The following VAV2 variants were observed in gnomAD, a reference collection of about 807,000 sequenced individuals.
VAV2 encodes guanine nucleotide exchange factor VAV2.
A neutral mutation model predicts 132.5 loss-of-function variants in VAV2; 67 were observed. That is an observed-to-expected ratio of 0.51 (90% CI 0.42 to 0.62). The LOEUF (loss-of-function observed/expected upper bound fraction) is 0.62. VAV2 is among the 20% of genes least tolerant of loss of function. VAV2 has a pLI of 0.00. For missense variants in VAV2, 938 were observed against 1,153.6 expected, an observed-to-expected ratio of 0.81 and a Z score of 2.71; for synonymous variants, 492 against 443.5, an observed-to-expected ratio of 1.11 and a Z score of -1.37.
At chr9:133,778,042 C>T (rs1460506673) in intron 22 of VAV2, among the ~76,000 whole-genome samples, 1 of 152,158 alleles carries the variant, frequency 6.6e-6, no homozygotes, top group African/African-American at 2.4e-5. Context: ...GGGCCGAGGA[C>T]TGGGGGTCTG....
chr9:133,861,985 C>T (rs1030524101), intron 2 of VAV2, among the ~76,000 whole-genome samples: 3 of 152,256 alleles, frequency 2.0e-5, no homozygotes, highest in Admixed American at 6.5e-5. Flanking sequence ...GACATTTAAA[C>T]AGATGCCTGG....
rs757580734 is a variant in VAV2, at chr9:133,964,050, C to CATATATATATATATATATATAT, written c.205-24832_205-24831insATATATATATATATATATATAT. 4.7e-5 allele frequency among the ~76,000 whole-genome samples: 4 copies of CATATATATATATATATATATAT among 84,878 alleles called. No homozygotes were observed. The East Asian group carries it at 8.4e-4, about 18-fold the overall frequency. The allele number at this position is 84,878 out of a possible 152,430, so 55.7% of individuals were successfully genotyped here. A position where few individuals can be genotyped will look rare whatever the true frequency, so the allele number is the denominator to read the frequency against. ...ATATATATATATATATATATATATA[C>CATATATATATATATATATATAT]ATATATATACATATATATAAATGAA... On this transcript the variant is annotated intron_variant, in intron 1 of 29. Coordinates refer to ENST00000371850, the MANE Select transcript of VAV2 (RefSeq NM_001134398.2).
At chr9:133,829,719 T>C (rs1836191081) in intron 4 of VAV2, among the ~76,000 whole-genome samples, 1 of 152,126 alleles carries the variant, frequency 6.6e-6, no homozygotes, top group Non-Finnish European at 1.5e-5. Flanking sequence ...CCCAGGCTGG[T>C]CTCGAACTTC....
intron 9 of VAV2, among the ~76,000 whole-genome samples, chr9:133,803,973 G>A (rs1835039186): frequency 6.6e-6 from 1 of 152,070 alleles, no homozygotes; most frequent in South Asian, 2.1e-4. Context: ...CCTCCGCTGT[G>A]CAGCCCTCAC....
intron 2 of VAV2, among the ~76,000 whole-genome samples, chr9:133,911,540 C>G (rs58804934): frequency 0.051 from 7,771 of 152,268 alleles, 601 homozygotes; most frequent in African/African-American, 0.17. Flanking sequence ...TCAACACAGT[C>G]AAGACGGTGA....
intron 8 of VAV2, among the ~76,000 whole-genome samples, 195 bp downstream of exon 8, chr9:133,807,063 G>C (rs1228742877): frequency 6.6e-6 from 1 of 152,252 alleles, no homozygotes; most frequent in Admixed American, 6.5e-5. Flanking sequence ...GCGGAGCCCA[G>C]AAACCTGCTA....
intron 1 of VAV2, among the ~76,000 whole-genome samples, chr9:133,987,141 G>C (rs1486704829): frequency 6.6e-6 from 1 of 152,210 alleles, no homozygotes; most frequent in Non-Finnish European, 1.5e-5. Flanking sequence ...AGACCTGGAA[G>C]GGGGGCAGCC....
chr9:133,941,103 A>G (rs2810534), intron 1 of VAV2, among the ~76,000 whole-genome samples: 110,428 of 151,868 alleles, frequency 0.73, 40,317 homozygotes, highest in East Asian at 0.81. Context: ...TGTGCCCACC[A>G]AACACTCAAA....
intron 2 of VAV2, among the ~76,000 whole-genome samples, chr9:133,933,556 TGGTGG>T: frequency 6.8e-6 from 1 of 146,824 alleles, no homozygotes; most frequent in South Asian, 2.2e-4. Flanking sequence ...GATGGATGGA[TGGTGG>T]ATGGATGGAT....
intron 2 of VAV2, among the ~76,000 whole-genome samples, chr9:133,867,298 T>C (rs1289045303): frequency 1.3e-5 from 2 of 152,214 alleles, no homozygotes; most frequent in Non-Finnish European, 2.9e-5. Context: ...AGGTGGTGCG[T>C]GCGCAACTCT....
At chr9:133,860,816 G>A (rs1336560408) in intron 3 of VAV2, among the ~76,000 whole-genome samples, 3 of 152,138 alleles carry the variant, frequency 2.0e-5, no homozygotes, top group East Asian at 1.9e-4. Context: ...TCTCACAGAC[G>A]CCCAAGTGCC....
At chr9:133,795,014 T>G (rs1224634839) in intron 12 of VAV2, among the ~76,000 whole-genome samples, 1 of 152,138 alleles carries the variant, frequency 6.6e-6, no homozygotes, top group Non-Finnish European at 1.5e-5. Context: ...GCCGGGGAAG[T>G]GCAGGGCACG....
chr9:133,785,994 A>G, intron 16 of VAV2, 109 bp from the exon 17 acceptor site: 1 of 943,264 alleles, frequency 1.1e-6, no homozygotes, highest in South Asian at 1.4e-5. Flanking sequence ...GTATATGCAT[A>G]TGTGCACAGG....
chr9:133,933,923 G>A (rs1164761011), intron 2 of VAV2, among the ~76,000 whole-genome samples: 1 of 59,782 alleles, frequency 1.7e-5, no homozygotes, highest in Non-Finnish European at 4.2e-5. Flanking sequence ...GATGGATGAT[G>A]GGTGAATGGA....
intron 9 of VAV2, among the ~76,000 whole-genome samples, chr9:133,803,731 G>C (rs1169930091): frequency 6.6e-6 from 1 of 152,140 alleles, no homozygotes; most frequent in African/African-American, 2.4e-5. Flanking sequence ...CACCCCCGAC[G>C]AGCTGCCAGG....
rs1340646462 is a variant in VAV2, at chr9:133,826,005, G to A, written c.449+8267C>T. On this transcript the variant is annotated intron_variant, in intron 4 of 29. Transcript: ENST00000371850. The surrounding 1 kb of genome is among the most constrained non-coding windows in gnomAD (Gnocchi z 4.2). ...TAAAGCATGCAGCTCTACATTCGCGGATACATTACATTCCCTGCCGTGTCA... is the reference window on the plus strand; with the variant it reads ...TAAAGCATGCAGCTCTACATTCGCGAATACATTACATTCCCTGCCGTGTCA... Among the ~76,000 whole-genome samples, 1 of 152,158 alleles carries A rather than the reference G, an allele frequency of 6.6e-6. No individual in the cohort carries two copies. The highest frequency in any genetic ancestry group is 1.9e-4 in the East Asian group (1 of 5,194).
chr9:133,974,200 G>C (rs1842432421), intron 1 of VAV2, among the ~76,000 whole-genome samples: 1 of 152,082 alleles, frequency 6.6e-6, no homozygotes. Context: ...GTGTCCTCCT[G>C]GGCCGCAAGC....
At chr9:133,791,192 G>A (rs906134837) in intron 13 of VAV2, among the ~76,000 whole-genome samples, 1 of 152,164 alleles carries the variant, frequency 6.6e-6, no homozygotes, top group Non-Finnish European at 1.5e-5. Context: ...CTGGGGTGGC[G>A]CATCCCCTCT....
intron 2 of VAV2, among the ~76,000 whole-genome samples, chr9:133,867,555 G>A (rs1837855509): frequency 6.6e-6 from 1 of 152,132 alleles, no homozygotes. Context: ...CCCTTTCCAG[G>A]ACCCCCTGGC....
Sources: gnomAD v4.1 joint callset for allele counts (sites outside exome capture counted in the v4.1 genomes callset) on GRCh38, gnomAD v4.1.1 for gene constraint, Gnocchi (gnomAD v3.1) non-coding constraint, MANE v1.5 for transcripts, NCBI Gene and HGNC (gene_info 2026-07-23, HGNC 2026-07-21) for gene names.